KIF26B: variants seen among roughly 807,000 people sequenced by gnomAD.
KIF26B encodes kinesin family member 26B.
In KIF26B, 63 loss-of-function variants were observed where a neutral mutation model predicts 151.2. The ratio of observed to expected loss-of-function variants is 0.42; its 90% confidence interval spans 0.34 to 0.51. The LOEUF (loss-of-function observed/expected upper bound fraction) is 0.51, where lower values mean the gene tolerates loss of function less well. Ranked by LOEUF, KIF26B falls within the 20% of genes least tolerant of loss-of-function variation. KIF26B has a pLI of 0.07. For missense variants in KIF26B, 2,813 were observed against 2,913.6 expected (o/e 0.97, Z 0.79); for synonymous variants, 1,357 against 1,262.1 (o/e 1.08, Z -1.59).
chr1:245,442,564 C>T (rs536546778), intron 4 of KIF26B, among the ~76,000 whole-genome samples: 3 of 152,136 alleles, frequency 2.0e-5, no homozygotes, highest in African/African-American at 7.2e-5. Context: ...AGGCAAAATC[C>T]GGTGGACAGC....
chr1:245,469,525 T>C (rs116652554), intron 4 of KIF26B, among the ~76,000 whole-genome samples: 189 of 152,330 alleles, frequency 1.2e-3, no homozygotes, highest in African/African-American at 4.2e-3. Context: ...TAATGTTCCC[T>C]ACCTATAGTG....
At chr1:245,467,122 G>A (rs1401999918) in intron 4 of KIF26B, among the ~76,000 whole-genome samples, 2 of 152,184 alleles carry the variant, frequency 1.3e-5, no homozygotes, top group African/African-American at 2.4e-5. Flanking sequence ...TTGGAAGTCA[G>A]GGAGCTTTGG....
rs59196565 is a variant in KIF26B at position 245,586,198 on chromosome 1, T to TG, written c.1351-16379_1351-16378insG. On this transcript the variant is annotated intron_variant, in intron 5 of 14. Coordinates refer to ENST00000407071, the MANE Select transcript of KIF26B (RefSeq NM_018012.4). ...GTGTGTGTGTGTGTGTGTGTGTGTG[T>TG]TTGTTTTAATAGAGACGGGGTCTTG... Among the ~76,000 whole-genome samples, 1,217 of 146,114 alleles carry TG rather than the reference T, an allele frequency of 8.3e-3. 28 individuals are homozygous for TG. Among genetic ancestry groups the TG allele is most frequent in the African/African-American group, 0.029 (1,110 of 38,554 alleles).
Position 245,685,744 on chromosome 1 carries a change from C to A in KIF26B, c.2761C>A (p.Leu921Met). 1 of 1,612,840 alleles carries A rather than the reference C, an allele frequency of 6.2e-7. No individual in the cohort carries two copies. The highest frequency in any genetic ancestry group is 8.5e-7 in the Non-Finnish European group (1 of 1,179,816). ...AAAGKSERDC[L>M]KCNTFAELQE... Reference sequence around the variant, plus strand: ...AGCCGGCAAGTCAGAAAGGGACTGCCTGAAGTGCAACACGTTTGCCGAGCT... The same window carrying A: ...AGCCGGCAAGTCAGAAAGGGACTGCATGAAGTGCAACACGTTTGCCGAGCT... Residue 921 changes from leucine (L) to methionine (M), a missense_variant, in exon 12 of 15, where the codon CTG becomes ATG. This residue lies in a region of KIF26B where 2,060 missense variants were observed against 2,088.6 expected (regional missense o/e 0.99). Coordinates refer to ENST00000407071, the MANE Select transcript of KIF26B (RefSeq NM_018012.4).
At chr1:245,217,111 G>C (rs79625510) in intron 2 of KIF26B, among the ~76,000 whole-genome samples, 2 of 152,174 alleles carry the variant, frequency 1.3e-5, no homozygotes, top group African/African-American at 4.8e-5. Context: ...GGACACAAAT[G>C]TGATGTCCAA....
In KIF26B at chr1:245,472,216, C is replaced by T. The variant is rs528648350; in HGVS notation, c.1166+52471C>T. Among the ~76,000 whole-genome samples, 6 of 152,346 alleles carry T rather than the reference C, an allele frequency of 3.9e-5. No individual in the cohort carries two copies. The East Asian group carries it at 9.6e-4, about 24-fold the overall frequency. On this transcript the variant is annotated intron_variant, in intron 4 of 14. Coordinates refer to ENST00000407071, the MANE Select transcript of KIF26B (RefSeq NM_018012.4). ...AGGGAGAGCACCAGGCCTGTCTCCA[C>T]TTATGTGAGACGTACAGAAACACAC...
intron 2 of KIF26B, among the ~76,000 whole-genome samples, chr1:245,230,524 C>T (rs2103554476): frequency 6.6e-6 from 1 of 152,222 alleles, no homozygotes; most frequent in African/African-American, 2.4e-5. Context: ...GGGTGGATCA[C>T]CTGAGGTCGG....
At chr1:245,214,667 C>T (rs565507562) in intron 2 of KIF26B, among the ~76,000 whole-genome samples, 38 of 152,066 alleles carry the variant, frequency 2.5e-4, no homozygotes, top group African/African-American at 8.0e-4. Context: ...GGTGAAACCC[C>T]GTCTCTAGTA....
intron 5 of KIF26B, among the ~76,000 whole-genome samples, chr1:245,573,436 T>A (rs891228050): frequency 6.6e-6 from 1 of 152,004 alleles, no homozygotes; most frequent in Non-Finnish European, 1.5e-5. Context: ...GGCAGAAGAA[T>A]CGCTTGAACC....
At chr1:245,294,460 TG>T (rs781488898) in intron 2 of KIF26B, among the ~76,000 whole-genome samples, 10 of 152,214 alleles carry the variant, frequency 6.6e-5, no homozygotes, top group Non-Finnish European at 1.3e-4. Context: ...AATTGCTTTA[TG>T]AGTTGACTTG....
intron 2 of KIF26B, among the ~76,000 whole-genome samples, chr1:245,270,744 T>C (rs1670843580): frequency 6.6e-6 from 1 of 152,220 alleles, no homozygotes; most frequent in Non-Finnish European, 1.5e-5. Context: ...CTGTTGATGC[T>C]TTCCTTTGCT....
chr1:245,327,934 T>C lies in KIF26B; in HGVS notation c.466-38900T>C, dbSNP rs147098190. On this transcript the variant is annotated intron_variant, in intron 2 of 14. Coordinates refer to ENST00000407071, the MANE Select transcript of KIF26B (RefSeq NM_018012.4). ...CCAGAAAACAAGAATGGTTCTGACC[T>C]GGGATCGTGAGAATGTCTTTATCCT... is the stretch of plus-strand genomic sequence containing the variant. Among the ~76,000 whole-genome samples, 405 of 152,316 alleles carry C rather than the reference T, an allele frequency of 2.7e-3. 1 individual carries two copies. The highest frequency in any genetic ancestry group is 8.8e-3 in the African/African-American group (367 of 41,578).
Position 245,703,853 on chromosome 1 carries a change from G to A in KIF26B, c.*1247G>A, listed in dbSNP as rs1226088204. On this transcript the variant is annotated 3_prime_UTR_variant, in exon 15 of 15. Coordinates refer to ENST00000407071, the MANE Select transcript of KIF26B (RefSeq NM_018012.4). ...CTGTGTCCCAAAGCCTCTATGCCAA[G>A]AAGGGACAGGCTTGTCCTCTCAGTC... 6.6e-6 allele frequency: 1 copy of A among 152,224 alleles called. No homozygotes were observed. Among genetic ancestry groups the A allele is most frequent in the Non-Finnish European group, 1.5e-5 (1 of 68,056 alleles). 9.4% of individuals were successfully genotyped at this position (152,224 alleles called of 1,614,324 possible).
chr1:245,461,199 G>A (rs1187382614), intron 4 of KIF26B, among the ~76,000 whole-genome samples: 1 of 152,128 alleles, frequency 6.6e-6, no homozygotes, highest in African/African-American at 2.4e-5. Context: ...CAACATGTGG[G>A]GACTCTGTTG....
At chr1:245,666,851 T>C (rs1276150942) in intron 10 of KIF26B, among the ~76,000 whole-genome samples, 1 of 152,120 alleles carries the variant, frequency 6.6e-6, no homozygotes, top group Admixed American at 6.5e-5. Flanking sequence ...AGTATAAGGA[T>C]AGCCTGGGGG....
At chr1:245,266,632 G>A (rs144593023) in intron 2 of KIF26B, among the ~76,000 whole-genome samples, 1 of 151,942 alleles carries the variant, frequency 6.6e-6, no homozygotes, top group Non-Finnish European at 1.5e-5. Context: ...TCAGCCTCCC[G>A]ATTAGCTGGG....
intron 3 of KIF26B, among the ~76,000 whole-genome samples, chr1:245,411,229 C>T (rs538071437): frequency 1.2e-4 from 18 of 152,318 alleles, no homozygotes; most frequent in Admixed American, 5.9e-4. Flanking sequence ...AAGGCATCAC[C>T]GCGGTTCTGG....
chr1:245,281,945 T>G (rs1218639979), intron 2 of KIF26B, among the ~76,000 whole-genome samples: 1 of 151,950 alleles, frequency 6.6e-6, no homozygotes, highest in African/African-American at 2.4e-5. Context: ...GAGGGCTCTG[T>G]TCTGTTCCAT....
intron 2 of KIF26B, among the ~76,000 whole-genome samples, chr1:245,246,527 T>G (rs1418473996): frequency 6.6e-6 from 1 of 152,162 alleles, no homozygotes; most frequent in East Asian, 1.9e-4. Context: ...CTGGGATCTC[T>G]GGGACCTCCC....
Sources: gnomAD v4.1 joint callset for allele counts (sites outside exome capture counted in the v4.1 genomes callset) on GRCh38, gnomAD v4.1.1 for gene constraint, gnomAD v4.1.1 regional missense constraint, MANE v1.5 for transcripts, NCBI Gene and HGNC (gene_info 2026-07-23, HGNC 2026-07-21) for gene names.